NPHP4: variants seen among roughly 807,000 people sequenced by gnomAD.
NPHP4 encodes the protein nephrocystin-4.
In NPHP4, 151 loss-of-function variants were observed where a neutral mutation model predicts 155.8. The observed-to-expected ratio is 0.97, with a 90% CI of 0.85 to 1.11. The LOEUF is 1.11. Among genes scored for constraint, NPHP4 ranks in the 50% least tolerant of loss-of-function variants. NPHP4 has a pLI of 0.00. For missense variants in NPHP4, 1,956 were observed against 1,925.7 expected (o/e 1.02, Z -0.29); for synonymous variants, 845 against 816.8 (o/e 1.03, Z -0.59).
At chr1:5,880,929 G>C (rs1643222008) in intron 18 of NPHP4, 1 of 152,510 alleles carries the variant, frequency 6.6e-6, no homozygotes, top group Non-Finnish European at 1.5e-5. Flanking sequence ...ACGAAGCTGT[G>C]TCCCAAAATG....
rs368886256 is a variant in NPHP4 at position 5,948,184 on chromosome 1, T to C, written c.878A>G (p.Asn293Ser). Reference sequence around the variant, plus strand: ...CGGCCTCTGCACGAAGCCCAGACCATTGTGCACGCCCACACGCAGGCGCCG... The same window carrying C: ...CGGCCTCTGCACGAAGCCCAGACCACTGTGCACGCCCACACGCAGGCGCCG... Reference protein sequence around the residue: ...LERRLRVGVHNGLGFVQRPQV... With the variant: ...LERRLRVGVHSGLGFVQRPQV... The change falls in exon 8 of 30, where the codon AAT (asparagine) becomes AGT (serine). Residue 293 changes from asparagine to serine, a missense_variant. Asn to Ser is a conservative substitution (Grantham distance 46). Transcript: ENST00000378156. 3.7e-6 allele frequency: 6 copies of C among 1,611,984 alleles called. No homozygotes were observed. The highest frequency in any genetic ancestry group is 1.3e-5 in the African/African-American group (1 of 74,872).
At chr1:5,959,912 G>C (rs535885671) in intron 6 of NPHP4, among the ~76,000 whole-genome samples, 1 of 152,364 alleles carries the variant, frequency 6.6e-6, no homozygotes, top group Admixed American at 6.5e-5. Context: ...CACACAGCTA[G>C]TTCCAAGATC....
At chr1:5,926,898 G>A (rs1445398178) in intron 11 of NPHP4, among the ~76,000 whole-genome samples, 2 of 152,214 alleles carry the variant, frequency 1.3e-5, no homozygotes, top group Non-Finnish European at 2.9e-5. Flanking sequence ...CATCACCTGC[G>A]ACTAGGGATC....
At position 5,863,162 on chromosome 1, in the gene NPHP4, G is replaced by T; in HGVS notation, c.*103C>A. 7.7e-7 allele frequency: 1 copy of T among 1,303,786 alleles called. No individual in the cohort carries two copies. The highest frequency in any genetic ancestry group is 1.1e-6 in the Non-Finnish European group (1 of 900,720). The allele number at this position is 1,303,786 out of a possible 1,614,324, so 80.8% of individuals were successfully genotyped here. ...TGCACAGGTCAGCCAGGTGGGCACT[G>T]AAGTGAAAGGCTGCAGAGAGGCGGG... On this transcript the variant is annotated 3_prime_UTR_variant, in exon 30 of 30. Transcript: ENST00000378156.
At chr1:5,874,822 G>T in intron 21 of NPHP4, 52 bp downstream of exon 21, 1 of 1,576,992 alleles carries the variant, frequency 6.3e-7, no homozygotes, top group Non-Finnish European at 8.7e-7. Flanking sequence ...GGTGCCGGCT[G>T]CACCCGACAC....
intron 4 of NPHP4, 145 bp downstream of exon 4, chr1:5,968,942 G>A (rs933680356): frequency 3.1e-5 from 16 of 523,290 alleles, no homozygotes; most frequent in African/African-American, 1.5e-4. Flanking sequence ...CACGAGAATC[G>A]CTCGAACCCA....
chr1:5,921,535 G>A (rs1416982314), intron 11 of NPHP4, among the ~76,000 whole-genome samples: 1 of 152,170 alleles, frequency 6.6e-6, no homozygotes, highest in African/African-American at 2.4e-5. Context: ...GAATAAAACG[G>A]TTTGTCATTT....
At chr1:5,900,306 C>T (rs1465107325) in intron 16 of NPHP4, among the ~76,000 whole-genome samples, 4 of 152,192 alleles carry the variant, frequency 2.6e-5, no homozygotes, top group African/African-American at 7.2e-5. Context: ...CTGTAAACAA[C>T]CAAGATGCCC....
chr1:5,969,101 A>G lies in NPHP4; in HGVS notation c.438T>C (p.Ala146=). Residue 146 remains alanine (A), a synonymous_variant, in exon 4 of 30, where the codon GCT becomes GCC. Transcript: ENST00000378156. ...FSNQPDSPIS[A]SQDKRLRLYH... ...AAGGCAGGTACCTTTTGTCCTGGGA[A>G]GCAGAGATAGGAGAGTCCGGCTGGT... 1.3e-6 allele frequency: 2 copies of G among 1,550,124 alleles called. No homozygotes were observed. Among genetic ancestry groups the G allele is most frequent in the Non-Finnish European group, 1.7e-6 (2 of 1,145,812 alleles).
chr1:5,938,239 T>G (rs1320290514), intron 9 of NPHP4, among the ~76,000 whole-genome samples: 4 of 152,220 alleles, frequency 2.6e-5, no homozygotes, highest in Non-Finnish European at 5.9e-5. Context: ...GCATTCTCCC[T>G]GAAGGACACG....
intron 9 of NPHP4, 109 bp downstream of exon 9, chr1:5,946,995 T>A (rs772974857): frequency 5.7e-5 from 65 of 1,139,612 alleles, no homozygotes; most frequent in Non-Finnish European, 7.6e-5. Flanking sequence ...TTATTATTTA[T>A]AATAATCATG....
At chr1:5,933,420 A>C in intron 9 of NPHP4, 91 bp from the exon 10 acceptor site, 1 of 1,059,006 alleles carries the variant, frequency 9.4e-7, no homozygotes, top group Non-Finnish European at 1.4e-6. Flanking sequence ...TGTAAAATTC[A>C]ACGAGAGCTC....
At chr1:5,920,815 CTT>C (rs559889511) in intron 11 of NPHP4, among the ~76,000 whole-genome samples, 33 of 152,258 alleles carry the variant, frequency 2.2e-4, no homozygotes, top group African/African-American at 7.5e-4. Flanking sequence ...TGTCTTCTAA[CTT>C]TGTTTACAGA....
intron 7 of NPHP4, 74 bp from the exon 8 acceptor site, chr1:5,948,325 G>T: frequency 8.5e-7 from 1 of 1,177,612 alleles, no homozygotes; most frequent in Non-Finnish European, 1.2e-6. Context: ...CCTGGGGGAG[G>T]CGAGCAGAGA....
In NPHP4 at chr1:5,964,941, A is replaced by ATATATATATTTT; in HGVS notation, c.517+2357_517+2358insAAAATATATATA. On this transcript the variant is annotated intron_variant, in intron 5 of 29. Coordinates refer to ENST00000378156, the MANE Select transcript of NPHP4 (RefSeq NM_015102.5). ...ATTATATATATATATATATATATAT[A>ATATATATATTTT]TTTTTTTTTTTTGAGGCAGGGTCTC... Among the ~76,000 whole-genome samples the ATATATATATTTT allele has an allele frequency of 5.6e-4, 33 of 59,404 alleles. 1 individual carries two copies. The highest frequency in any genetic ancestry group is 2.7e-3 in the African/African-American group (32 of 11,780). 39.0% of individuals were successfully genotyped at this position (59,404 alleles called of 152,430 possible).
intron 16 of NPHP4, among the ~76,000 whole-genome samples, chr1:5,893,372 T>C (rs1827501): frequency 2.6e-5 from 4 of 152,060 alleles, no homozygotes; most frequent in African/African-American, 4.8e-5. Flanking sequence ...CAGGGTAAAG[T>C]GTGTGAGTCA....
chr1:5,906,563 G>C (rs1328885835), intron 13 of NPHP4, among the ~76,000 whole-genome samples: 1 of 152,240 alleles, frequency 6.6e-6, no homozygotes, highest in African/African-American at 2.4e-5. Flanking sequence ...GGAATTAAAA[G>C]AAACTATTTT....
chr1:5,954,108 G>C (rs988970351), intron 6 of NPHP4, among the ~76,000 whole-genome samples: 2 of 152,168 alleles, frequency 1.3e-5, no homozygotes, highest in African/African-American at 4.8e-5. Context: ...TTCTGCCCCA[G>C]TAATTCCACT....
chr1:5,888,050 G>C (rs2100869461), intron 17 of NPHP4, among the ~76,000 whole-genome samples: 1 of 152,302 alleles, frequency 6.6e-6, no homozygotes, highest in Admixed American at 6.5e-5. Flanking sequence ...AGAGGCCCGT[G>C]GGGCCCAGGG....
Sources: allele counts gnomAD v4.1 joint callset (sites outside exome capture counted in the v4.1 genomes callset), GRCh38; gene constraint gnomAD v4.1.1; transcripts MANE v1.5; gene names NCBI Gene and HGNC (gene_info 2026-07-23, HGNC 2026-07-21).